The following KALRN variants were observed in gnomAD, a reference collection of about 807,000 sequenced individuals.
KALRN encodes kalirin RhoGEF kinase.
In KALRN, 70 loss-of-function variants were observed where a neutral mutation model predicts 353.7. The ratio of observed to expected loss-of-function variants is 0.20; its 90% CI spans 0.16 to 0.24. The LOEUF (loss-of-function observed/expected upper bound fraction) is 0.24, where lower values mean the gene tolerates loss of function less well. Among genes scored for constraint, KALRN ranks in the 10% least tolerant of loss-of-function variants. The pLI is 1.00. For missense variants in KALRN, 2,791 were observed against 3,756.7 expected (o/e 0.74, Z 6.72); for synonymous variants, 1,391 against 1,434.8 (o/e 0.97, Z 0.69).
intron 1 of KALRN, among the ~76,000 whole-genome samples, chr3:124,191,130 G>C (rs148090642): frequency 8.5e-4 from 130 of 152,346 alleles, no homozygotes; most frequent in African/African-American, 3.1e-3. Context: ...AGGCATGTGG[G>C]AAATAGTTTC....
chr3:124,325,599 C>G (rs1158739478), intron 6 of KALRN, among the ~76,000 whole-genome samples: 1 of 152,138 alleles, frequency 6.6e-6, no homozygotes, highest in African/African-American at 2.4e-5. Context: ...TCTCTGCCTC[C>G]TTTAGCTTGT....
At position 124,632,637 on chromosome 3, in the gene KALRN, G is replaced by A. The variant is rs2080910277; in HGVS notation, c.5400G>A (p.Lys1800=). The change falls in exon 35 of 60, where the codon AAG becomes AAA. Residue 1800 remains lysine, a synonymous_variant. Transcript: ENST00000682506. ...KKQKKVRDGR[K]SFDLGSPKPG... is the part of the protein sequence containing the mutation. The stretch of plus-strand genomic sequence containing the variant: ...AGAAGAAAGTTCGCGATGGTCGGAA[G>A]AGCTTTGACCTGGGATCTCCCAAGC... 1 of 1,614,078 alleles carries A rather than the reference G, an allele frequency of 6.2e-7. No homozygotes were observed. The highest frequency in any genetic ancestry group is 1.7e-5 in the Admixed American group (1 of 60,010).
At chr3:124,582,300 C>T (rs1046783477) in intron 34 of KALRN, among the ~76,000 whole-genome samples, 19 of 152,152 alleles carry the variant, frequency 1.2e-4, no homozygotes, top group Non-Finnish European at 2.5e-4. Context: ...GGATTACAAG[C>T]GTGAGCCACT....
chr3:124,690,867 T>C (rs1416123921), intron 51 of KALRN, among the ~76,000 whole-genome samples: 1 of 152,168 alleles, frequency 6.6e-6, no homozygotes, highest in Non-Finnish European at 1.5e-5. Context: ...AAGCAAATAT[T>C]CCTAATTTGA....
intron 1 of KALRN, among the ~76,000 whole-genome samples, chr3:124,088,223 T>C (rs2060925742): frequency 6.6e-6 from 1 of 152,218 alleles, no homozygotes; most frequent in Non-Finnish European, 1.5e-5. Context: ...CTTCGTAGTT[T>C]CTTTTTTCCT....
intron 14 of KALRN, among the ~76,000 whole-genome samples, chr3:124,418,162 T>C (rs2092605156): frequency 6.6e-6 from 1 of 151,850 alleles, no homozygotes; most frequent in African/African-American, 2.4e-5. Flanking sequence ...TTTTTATTTT[T>C]TTTTCAAAAT....
intron 3 of KALRN, among the ~76,000 whole-genome samples, chr3:124,238,242 A>C (rs1302849935): frequency 2.0e-5 from 3 of 152,152 alleles, no homozygotes; most frequent in African/African-American, 2.4e-5. Flanking sequence ...GAAGAAAAAA[A>C]AACAACAAAA....
intron 33 of KALRN, among the ~76,000 whole-genome samples, chr3:124,543,461 C>T (rs2069279153): frequency 6.6e-6 from 1 of 151,968 alleles, no homozygotes. Flanking sequence ...ATCACCACGC[C>T]CAGCTAATTT....
intron 6 of KALRN, among the ~76,000 whole-genome samples, chr3:124,318,441 C>G (rs1371413037): frequency 6.6e-6 from 1 of 152,144 alleles, no homozygotes; most frequent in East Asian, 1.9e-4. Flanking sequence ...ATGTTACTAT[C>G]CCAGTGTCCA....
chr3:124,374,966 G>T (rs2086381661), intron 10 of KALRN, among the ~76,000 whole-genome samples: 1 of 152,182 alleles, frequency 6.6e-6, no homozygotes. Flanking sequence ...CTGCCGAGAT[G>T]GGGTCACTGG....
chr3:124,555,656 G>C (rs564295324), intron 33 of KALRN, among the ~76,000 whole-genome samples: 10 of 152,224 alleles, frequency 6.6e-5, no homozygotes, highest in African/African-American at 2.4e-4. Flanking sequence ...ATACTAATAG[G>C]AATAGGTGGG....
At chr3:124,412,971 T>C (rs912080216) in intron 13 of KALRN, among the ~76,000 whole-genome samples, 11 of 152,214 alleles carry the variant, frequency 7.2e-5, no homozygotes, top group African/African-American at 2.7e-4. Context: ...GAAATACTAC[T>C]TAATTTCTGA....
chr3:124,157,504 G>A (rs1469001563), intron 1 of KALRN, among the ~76,000 whole-genome samples: 2 of 152,336 alleles, frequency 1.3e-5, no homozygotes, highest in South Asian at 2.1e-4. Context: ...AATGGGAGTA[G>A]GCTGGGATAA....
At chr3:124,226,880 G>A (rs1385208516) in intron 1 of KALRN, among the ~76,000 whole-genome samples, 2 of 152,264 alleles carry the variant, frequency 1.3e-5, no homozygotes, top group South Asian at 2.1e-4. Context: ...ATGGTATCTG[G>A]TTCTGCTCTC....
chr3:124,649,425 C>T (rs1324192691), intron 37 of KALRN, among the ~76,000 whole-genome samples: 1 of 152,126 alleles, frequency 6.6e-6, no homozygotes, highest in Non-Finnish European at 1.5e-5. Context: ...TCAAAAACTA[C>T]TAAATGAAAC....
chr3:124,155,924 C>T (rs1009986974), intron 1 of KALRN, among the ~76,000 whole-genome samples: 4 of 152,120 alleles, frequency 2.6e-5, no homozygotes, highest in African/African-American at 7.2e-5. Context: ...TGTGTCCAGC[C>T]GCTTCTGGCA....
chr3:124,717,080 T>C (rs1463440560), intron 58 of KALRN, among the ~76,000 whole-genome samples, 167 bp from the exon 59 acceptor site: 3 of 152,236 alleles, frequency 2.0e-5, no homozygotes, highest in Non-Finnish European at 4.4e-5. Flanking sequence ...TTCTGAATAT[T>C]ACAATAACTT....
At position 124,314,676 on chromosome 3, in the gene KALRN, A is replaced by C. The variant is rs542536799; in HGVS notation, c.1093-11304A>C. Among the ~76,000 whole-genome samples, 404 of 152,240 alleles carry C rather than the reference A, an allele frequency of 2.7e-3. 4 individuals are homozygous for C. Among genetic ancestry groups the C allele is most frequent in the South Asian group, 0.016 (78 of 4,810 alleles). ...GCATGTAGAGGTCACATGGCACGAG[A>C]GAAAGGATCTGGTTCTGTCTCCTAG... On this transcript the variant is annotated intron_variant, in intron 6 of 59. Transcript: ENST00000682506.
intron 34 of KALRN, among the ~76,000 whole-genome samples, chr3:124,603,989 C>T (rs1404137300): frequency 1.3e-5 from 2 of 152,066 alleles, no homozygotes; most frequent in African/African-American, 2.4e-5. Context: ...AACATCAGCT[C>T]ACACATGTGA....
Sources: allele counts gnomAD v4.1 joint callset (sites outside exome capture counted in the v4.1 genomes callset), GRCh38; gene constraint gnomAD v4.1.1; transcripts MANE v1.5; gene names NCBI Gene and HGNC (gene_info 2026-07-23, HGNC 2026-07-21).